The following KCNK1 variants were observed in gnomAD, a reference collection of about 807,000 sequenced individuals.
KCNK1 encodes potassium two pore domain channel subfamily K member 1.
In KCNK1, 10 loss-of-function variants were observed where a neutral mutation model predicts 22.2. The observed-to-expected ratio is 0.45, with a 90% CI of 0.28 to 0.76. The LOEUF (loss-of-function observed/expected upper bound fraction) is 0.76. Ranked by LOEUF, KCNK1 falls within the 30% of genes least tolerant of loss-of-function variation. The pLI is 0.14. For synonymous variants in KCNK1, 200 were observed against 186.4 expected, an observed-to-expected ratio of 1.07 and a Z score of -0.60; for missense variants, 378 against 421.0, an observed-to-expected ratio of 0.90 and a Z score of 0.89.
intron 1 of KCNK1, among the ~76,000 whole-genome samples, chr1:233,627,162 C>G (rs1657703225): frequency 6.6e-6 from 1 of 152,116 alleles, no homozygotes; most frequent in African/African-American, 2.4e-5. Context: ...TGCATTGTTG[C>G]TTTACTGTTT....
At chr1:233,631,903 C>T (rs75197245) in intron 1 of KCNK1, among the ~76,000 whole-genome samples, 4,227 of 152,202 alleles carry the variant, frequency 0.028, 73 homozygotes, top group Middle Eastern at 0.061. Context: ...AGACTGTCTT[C>T]TAGGTTGGTC....
chr1:233,626,582 T>A (rs1657693334), intron 1 of KCNK1, among the ~76,000 whole-genome samples: 1 of 152,144 alleles, frequency 6.6e-6, no homozygotes, highest in Non-Finnish European at 1.5e-5. Flanking sequence ...GATATCTGAT[T>A]TTGACCTTGA....
intron 1 of KCNK1, among the ~76,000 whole-genome samples, chr1:233,614,733 T>A (rs1476608227): frequency 6.6e-6 from 1 of 151,916 alleles, no homozygotes; most frequent in African/African-American, 2.4e-5. Flanking sequence ...CCTGGGTGAC[T>A]CGGGAGGGCA....
chr1:233,631,351 T>G (rs1369522921), intron 1 of KCNK1: 1 of 515,572 alleles, frequency 1.9e-6, no homozygotes, highest in East Asian at 5.6e-5. Flanking sequence ...ATCACTGCCC[T>G]GAGACACAGA....
chr1:233,653,490 G>A (rs1658234911), intron 1 of KCNK1, among the ~76,000 whole-genome samples: 1 of 152,176 alleles, frequency 6.6e-6, no homozygotes, highest in Non-Finnish European at 1.5e-5. Context: ...CTGTGAGGGT[G>A]TTTCTGGAAG....
At chr1:233,663,784 C>A (rs1266434157) in intron 1 of KCNK1, among the ~76,000 whole-genome samples, 1 of 151,986 alleles carries the variant, frequency 6.6e-6, no homozygotes, top group African/African-American at 2.4e-5. Context: ...CTAACACTTT[C>A]AGTCACAAGC....
At chr1:233,657,403 A>G (rs967873073) in intron 1 of KCNK1, among the ~76,000 whole-genome samples, 9 of 152,230 alleles carry the variant, frequency 5.9e-5, no homozygotes, top group African/African-American at 2.2e-4. Context: ...ACCCATATCC[A>G]GTAGTGGGTC....
At chr1:233,633,171 T>C in intron 1 of KCNK1, among the ~76,000 whole-genome samples, 1 of 150,596 alleles carries the variant, frequency 6.6e-6, no homozygotes, top group East Asian at 1.9e-4. Flanking sequence ...TTACAAGCAA[T>C]ACTGGTTTCT....
At chr1:233,625,642 A>G (rs998405390) in intron 1 of KCNK1, among the ~76,000 whole-genome samples, 2 of 152,194 alleles carry the variant, frequency 1.3e-5, no homozygotes, top group East Asian at 1.9e-4. Context: ...ATAGGTGCTC[A>G]GGAACAACAA....
At chr1:233,650,112 A>C in intron 1 of KCNK1, 1 of 512,606 alleles carries the variant, frequency 2.0e-6, no homozygotes, top group Non-Finnish European at 4.0e-6. Flanking sequence ...AGGAGAGGAG[A>C]CCTACAGTTC....
At chr1:233,652,316 C>T (rs189379094) in intron 1 of KCNK1, among the ~76,000 whole-genome samples, 1 of 152,230 alleles carries the variant, frequency 6.6e-6, no homozygotes, top group Admixed American at 6.5e-5. Flanking sequence ...TTGGCCATCA[C>T]CCCTCTTTGA....
chr1:233,650,737 T>A (rs1169277546), intron 1 of KCNK1, among the ~76,000 whole-genome samples: 1 of 151,872 alleles, frequency 6.6e-6, no homozygotes, highest in African/African-American at 2.4e-5. Flanking sequence ...AGAACCAGGA[T>A]TCAAATTTAG....
chr1:233,638,142 TG>T (rs1002931396), intron 1 of KCNK1, among the ~76,000 whole-genome samples: 1 of 152,160 alleles, frequency 6.6e-6, no homozygotes, highest in Non-Finnish European at 1.5e-5. Context: ...ATGTCTTAAG[TG>T]GTACAAACAA....
Position 233,671,418 on chromosome 1 carries a change from CCTT to C in KCNK1, c.902_904del (p.Phe301del), listed in dbSNP as rs751593176. The stretch of plus-strand genomic sequence containing the variant: ...CACATCATAGAGCATGACCAACTGT[CCTT>C]CTCCTCGATCACAGACCAGGCAGCT... On this transcript the variant is annotated inframe_deletion, in exon 3 of 3. Coordinates refer to ENST00000366621, the MANE Select transcript of KCNK1 (RefSeq NM_002245.4). The C allele has an allele frequency of 7.4e-6, 12 of 1,614,042 alleles. 1 individual carries two copies. Among genetic ancestry groups the C allele is most frequent in the Middle Eastern group, 3.3e-4 (2 of 6,084 alleles).
At chr1:233,645,421 A>G (rs1016190511) in intron 1 of KCNK1, among the ~76,000 whole-genome samples, 3 of 152,178 alleles carry the variant, frequency 2.0e-5, no homozygotes, top group Non-Finnish European at 4.4e-5. Context: ...TCCAATGGGA[A>G]GTATTCTTAT....
At chr1:233,624,919 T>G (rs1657658349) in intron 1 of KCNK1, among the ~76,000 whole-genome samples, 1 of 152,184 alleles carries the variant, frequency 6.6e-6, no homozygotes, top group Admixed American at 6.5e-5. Flanking sequence ...TTTGCCCTCC[T>G]GGATGTGTCA....
intron 1 of KCNK1, among the ~76,000 whole-genome samples, chr1:233,641,327 A>G (rs577127805): frequency 6.4e-4 from 97 of 152,300 alleles, no homozygotes; most frequent in African/African-American, 2.2e-3. Context: ...AGGCTTCTAC[A>G]AGCTTGCTCC....
At chr1:233,665,040 TGAAGAGTCCCCTGATTAGCTAGATTTGG>T (rs1338314834) in intron 1 of KCNK1, among the ~76,000 whole-genome samples, 1 of 152,186 alleles carries the variant, frequency 6.6e-6, no homozygotes, top group Non-Finnish European at 1.5e-5. Flanking sequence ...GTTGGTTGGA[TGAAGAGTCCCCTGATTAGCTAGATTTGG>T]GAAAAACTTC....
chr1:233,651,845 C>T (rs554670807), intron 1 of KCNK1, among the ~76,000 whole-genome samples: 1 of 152,308 alleles, frequency 6.6e-6, no homozygotes, highest in Admixed American at 6.5e-5. Context: ...GGCATTGCCT[C>T]ATCTCTGGCA....
Sources: allele counts gnomAD v4.1 joint callset (sites outside exome capture counted in the v4.1 genomes callset), GRCh38; gene constraint gnomAD v4.1.1; transcripts MANE v1.5; gene names NCBI Gene and HGNC (gene_info 2026-07-23, HGNC 2026-07-21).